The following RNF217 variants were observed in gnomAD, a reference collection of about 807,000 sequenced individuals.
RNF217 encodes the protein E3 ubiquitin-protein ligase RNF217.
Under a neutral mutation model 57.8 loss-of-function variants are expected in RNF217, and 31 were observed. That is an observed-to-expected ratio of 0.54 (90% confidence interval 0.40 to 0.72). The LOEUF (loss-of-function observed/expected upper bound fraction) is 0.72, where lower values mean the gene tolerates loss of function less well. RNF217 is among the 30% of genes least tolerant of loss of function. The pLI is 0.00. For synonymous variants in RNF217, 313 were observed against 294.0 expected, an observed-to-expected ratio of 1.06 and a Z score of -0.66; for missense variants, 696 against 708.3, an observed-to-expected ratio of 0.98 and a Z score of 0.20.
chr6:125,063,355 A>G (rs1787813637), intron 3 of RNF217, among the ~76,000 whole-genome samples: 1 of 152,198 alleles, frequency 6.6e-6, no homozygotes, highest in Admixed American at 6.5e-5. Context: ...TAAGGTCAAC[A>G]TATTCATTAT....
chr6:125,016,201 A>C (rs539474983), intron 1 of RNF217, among the ~76,000 whole-genome samples: 1 of 152,328 alleles, frequency 6.6e-6, no homozygotes, highest in East Asian at 1.9e-4. Flanking sequence ...TTCTTTCATT[A>C]TTCTTTGTAC....
intron 1 of RNF217, among the ~76,000 whole-genome samples, chr6:125,035,989 A>G (rs1786597030): frequency 6.6e-6 from 1 of 151,986 alleles, no homozygotes; most frequent in Non-Finnish European, 1.5e-5. Context: ...TACATGTGCC[A>G]TGGTGGTTTG....
chr6:125,057,901 G>A, intron 2 of RNF217, 41 bp from the exon 3 acceptor site: 1 of 1,512,570 alleles, frequency 6.6e-7, no homozygotes, highest in Non-Finnish European at 8.9e-7. Context: ...GACACTTTCA[G>A]TATATCCACT....
intron 2 of RNF217, among the ~76,000 whole-genome samples, chr6:125,053,224 A>G (rs975422895): frequency 3.3e-5 from 5 of 152,056 alleles, no homozygotes; most frequent in East Asian, 1.9e-4. Context: ...GGCAGTTACT[A>G]TATGCCTTTA....
chr6:125,081,617 T>G, intron 5 of RNF217, 110 bp downstream of exon 5: 1 of 839,864 alleles, frequency 1.2e-6, no homozygotes, highest in Non-Finnish European at 1.9e-6. Context: ...TAATTTATGT[T>G]GTATGCCTGC....
At chr6:124,967,079 G>A (rs962662994) in intron 1 of RNF217, among the ~76,000 whole-genome samples, 1 of 152,136 alleles carries the variant, frequency 6.6e-6, no homozygotes, top group Non-Finnish European at 1.5e-5. Flanking sequence ...TGTTGATTTA[G>A]AGCTCTAAAT....
intron 1 of RNF217, among the ~76,000 whole-genome samples, chr6:124,991,880 A>G (rs1192888731): frequency 6.6e-6 from 1 of 152,046 alleles, no homozygotes; most frequent in Non-Finnish European, 1.5e-5. Flanking sequence ...GTATTTGACC[A>G]CTCAGGTATA....
intron 1 of RNF217, among the ~76,000 whole-genome samples, chr6:124,984,541 C>CAAAA (rs750251821): frequency 2.7e-4 from 20 of 73,938 alleles, no homozygotes; most frequent in South Asian, 1.1e-3. Context: ...GACCCTTTCT[C>CAAAA]AAAAAAAAAA....
rs556996529 is a variant in RNF217 at position 124,967,458 on chromosome 6, G to A, written c.882+4032G>A. On this transcript the variant is annotated intron_variant, in intron 1 of 5. Transcript: ENST00000521654. ...ATTAATATTTAGTACTTTAGATGAA[G>A]AAAGGAAGAGACATGAGGATGCCAA... Among the ~76,000 whole-genome samples, 79 of 152,308 alleles carry A rather than the reference G, an allele frequency of 5.2e-4. No individual in the cohort carries two copies. The South Asian group carries it at 0.016, about 31-fold the overall frequency.
chr6:125,049,472 G>A (rs1287946254), intron 2 of RNF217, among the ~76,000 whole-genome samples: 1 of 151,982 alleles, frequency 6.6e-6, no homozygotes, highest in African/African-American at 2.4e-5. Context: ...GCCTTGAGGT[G>A]TTGGATTTAC....
intron 1 of RNF217, among the ~76,000 whole-genome samples, chr6:125,039,587 A>G (rs945722122): frequency 2.0e-5 from 3 of 152,200 alleles, no homozygotes; most frequent in African/African-American, 4.8e-5. Context: ...TCAGCTCTGG[A>G]TCAAGTAGAC....
chr6:124,981,016 C>G (rs1784142384), intron 1 of RNF217, among the ~76,000 whole-genome samples: 1 of 152,134 alleles, frequency 6.6e-6, no homozygotes, highest in African/African-American at 2.4e-5. Context: ...TCTCAGTTTT[C>G]TCTGCATATC....
intron 1 of RNF217, among the ~76,000 whole-genome samples, chr6:125,005,093 C>A (rs1382722359): frequency 1.3e-5 from 2 of 152,158 alleles, no homozygotes; most frequent in Non-Finnish European, 1.5e-5. Flanking sequence ...TTAATCTGTT[C>A]ATGAGGGCAT....
intron 1 of RNF217, among the ~76,000 whole-genome samples, chr6:125,001,030 C>T (rs1784961028): frequency 6.6e-6 from 1 of 152,064 alleles, no homozygotes; most frequent in Admixed American, 6.6e-5. Context: ...TATCCAATCA[C>T]CAGCTCAAAG....
At chr6:124,967,103 A>G (rs1783572080) in intron 1 of RNF217, among the ~76,000 whole-genome samples, 1 of 152,182 alleles carries the variant, frequency 6.6e-6, no homozygotes, top group African/African-American at 2.4e-5. Context: ...AGGCAGAGAT[A>G]GTTATATTAT....
rs1210012045 is a variant in RNF217, at chr6:125,002,909, A to G, written c.882+39483A>G. Among the ~76,000 whole-genome samples the G allele has an allele frequency of 5.9e-5, 9 of 152,210 alleles. No homozygotes were observed. The East Asian group carries it at 1.5e-3, about 26-fold the overall frequency. ...ATTGTAATAGTTCTGGGTCTACAGC[A>G]TAAGGCAATTATATCATGTAAATCA... On this transcript the variant is annotated intron_variant, in intron 1 of 5. Coordinates refer to ENST00000521654, the MANE Select transcript of RNF217 (RefSeq NM_001286398.3).
At chr6:125,077,556 C>A (rs9491304) in intron 4 of RNF217, among the ~76,000 whole-genome samples, 1 of 152,054 alleles carries the variant, frequency 6.6e-6, no homozygotes, top group Non-Finnish European at 1.5e-5. Flanking sequence ...AACACAGACA[C>A]CTGCCCATAA....
chr6:125,050,414 C>T (rs897717319), intron 2 of RNF217, among the ~76,000 whole-genome samples: 1 of 151,924 alleles, frequency 6.6e-6, no homozygotes, highest in Non-Finnish European at 1.5e-5. Context: ...ATAAAATTCC[C>T]TGGAGAAACT....
At chr6:125,076,376 A>G (rs1036885165) in intron 3 of RNF217, among the ~76,000 whole-genome samples, 1 of 152,204 alleles carries the variant, frequency 6.6e-6, no homozygotes, top group East Asian at 1.9e-4. Flanking sequence ...ATGTCTGGAA[A>G]GATAAATGTG....
Sources: allele counts gnomAD v4.1 joint callset (sites outside exome capture counted in the v4.1 genomes callset), GRCh38; gene constraint gnomAD v4.1.1; transcripts MANE v1.5; gene names NCBI Gene and HGNC (gene_info 2026-07-23, HGNC 2026-07-21).